The following PIEZO1 variants were observed in gnomAD, a reference collection of about 807,000 sequenced individuals.
PIEZO1 encodes the protein piezo-type mechanosensitive ion channel component 1.
PIEZO1 carries 296 observed loss-of-function variants against 297.2 expected under a neutral mutation model. The ratio of observed to expected loss-of-function variants is 1.00; its 90% CI spans 0.91 to 1.10. The LOEUF (loss-of-function observed/expected upper bound fraction) is 1.10. Ranked by LOEUF, PIEZO1 falls within the 50% of genes least tolerant of loss-of-function variation. The pLI is 0.00. For missense variants in PIEZO1, 5,018 were observed against 3,455.5 expected (o/e 1.45, Z -11.34); for synonymous variants, 2,427 against 1,507.5 (o/e 1.61, Z -14.13).
intron 1 of PIEZO1, among the ~76,000 whole-genome samples, chr16:88,780,881 C>T (rs770566303): frequency 2.0e-5 from 3 of 152,208 alleles, no homozygotes; most frequent in Non-Finnish European, 4.4e-5. Flanking sequence ...GGCTTGAGCC[C>T]TGGAGGCTGA....
intron 22 of PIEZO1, among the ~76,000 whole-genome samples, chr16:88,730,372 T>C (rs998797521): frequency 1.3e-5 from 1 of 76,152 alleles, no homozygotes; most frequent in Non-Finnish European, 2.8e-5. Flanking sequence ...GGGAGGCGGG[T>C]GGATCACCTG....
chr16:88,725,859 C>T (rs1412997295), intron 27 of PIEZO1, 175 bp from the exon 28 acceptor site: 9 of 605,724 alleles, frequency 1.5e-5, no homozygotes, highest in Middle Eastern at 4.4e-4. Flanking sequence ...CTGTCTGCGG[C>T]GAGGACAGGC....
chr16:88,725,434 C>G lies in PIEZO1; in HGVS notation c.4144G>C (p.Asp1382His). ...CACTCACCTGGCTCCAGGCCGGGGT[C>G]CTTGGGGCCCAGGGTGTCCTGGGGG... ...SRPQDTLGPK[D>H]PGLEPGPDSP... is the part of the protein sequence containing the mutation. Residue 1382 changes from aspartate (D) to histidine (H), a missense_variant, in exon 29 of 51, where the codon GAC becomes CAC. Asp to His is a moderately conservative substitution (Grantham distance 81). Coordinates refer to ENST00000301015, the MANE Select transcript of PIEZO1 (RefSeq NM_001142864.4). 4 of 1,466,270 alleles carry G rather than the reference C, an allele frequency of 2.7e-6. No individual in the cohort carries two copies. Among genetic ancestry groups the G allele is most frequent in the Non-Finnish European group, 3.6e-6 (4 of 1,107,932 alleles). The allele number at this position is 1,466,270 out of a possible 1,614,324, so 90.8% of individuals were successfully genotyped here.
rs1351646342 is a variant in PIEZO1, at chr16:88,734,000, CTGA to C, written c.2232_2234del (p.His744del). The C allele has an allele frequency of 2.6e-6, 4 of 1,546,114 alleles. No homozygotes were observed. Among genetic ancestry groups the C allele is most frequent in the Non-Finnish European group, 3.5e-6 (4 of 1,143,882 alleles). On this transcript the variant is annotated inframe_deletion, in exon 17 of 51. Coordinates refer to ENST00000301015, the MANE Select transcript of PIEZO1 (RefSeq NM_001142864.4). The stretch of plus-strand genomic sequence containing the variant: ...CCTCCTCCTCCTCCTGCTGCTGCTG[CTGA>C]TGCTCCTGCTGCTCCTCCCGCAGCA...
intron 1 of PIEZO1, among the ~76,000 whole-genome samples, chr16:88,754,262 A>G (rs1050477845): frequency 2.0e-5 from 3 of 152,090 alleles, no homozygotes; most frequent in Admixed American, 6.6e-5. Context: ...TGGGTGTCCA[A>G]GGGCTGGGCT....
intron 1 of PIEZO1, among the ~76,000 whole-genome samples, chr16:88,755,511 G>C (rs891249152): frequency 8.5e-5 from 13 of 152,234 alleles, no homozygotes; most frequent in African/African-American, 2.7e-4. Context: ...ACGAGCCCCA[G>C]ATCGGGCGTT....
chr16:88,725,550 C>T (rs1423480149), intron 28 of PIEZO1, 31 bp from the exon 29 acceptor site: 2 of 1,535,646 alleles, frequency 1.3e-6, no homozygotes, highest in Non-Finnish European at 1.8e-6. Context: ...GTATGCTGAG[C>T]ATTGGGGGGA....
intron 1 of PIEZO1, among the ~76,000 whole-genome samples, chr16:88,766,740 A>AG (rs748253680): frequency 6.6e-6 from 1 of 152,234 alleles, no homozygotes; most frequent in Non-Finnish European, 1.5e-5. Context: ...CATAACCACT[A>AG]GGTGGGCAGG....
Position 88,725,001 on chromosome 16 carries a change from G to A in PIEZO1, c.4234+8C>T, listed in dbSNP as rs771851223. 1.4e-6 allele frequency: 2 copies of A among 1,464,028 alleles called. No individual in the cohort carries two copies. Among genetic ancestry groups the A allele is most frequent in the Admixed American group, 2.8e-5 (1 of 35,698 alleles). 90.7% of individuals were successfully genotyped at this position (1,464,028 alleles called of 1,614,324 possible). A position where few individuals can be genotyped will look rare whatever the true frequency, so the allele number is the denominator to read the frequency against. ...GAGGGTGGCCACAGGCGGCCTAATTGGGGGTACCTGTGGCGTGGTCCAGCC... is the reference window on the plus strand; with the variant it reads ...GAGGGTGGCCACAGGCGGCCTAATTAGGGGTACCTGTGGCGTGGTCCAGCC... On this transcript the variant is annotated splice_region_variant and intron_variant, in intron 30 of 50. Transcript: ENST00000301015.
chr16:88,736,166 A>G lies in PIEZO1; in HGVS notation c.1539T>C (p.Cys513=). The G allele has an allele frequency of 6.5e-7, 1 of 1,547,534 alleles. No individual in the cohort carries two copies. The highest frequency in any genetic ancestry group is 8.7e-7 in the Non-Finnish European group (1 of 1,145,694). Residue 513 remains cysteine, a synonymous_variant, in exon 12 of 51, where the codon TGT becomes TGC. Coordinates refer to ENST00000301015, the MANE Select transcript of PIEZO1 (RefSeq NM_001142864.4). ...CACTCACCATGGCACCAAGGTCCAG[A>G]CAGGGGTAGCGGGTGTGCTCCAGCC... ...QLGLEHTRYP[C]LDLGAMLLYT...
intron 1 of PIEZO1, among the ~76,000 whole-genome samples, chr16:88,756,575 CTG>C (rs899964749): frequency 6.6e-6 from 1 of 151,776 alleles, no homozygotes; most frequent in African/African-American, 2.4e-5. Context: ...CGAAACCAGC[CTG>C]GCCAACATGG....
chr16:88,763,856 T>G (rs943720991), intron 1 of PIEZO1, among the ~76,000 whole-genome samples: 1 of 152,206 alleles, frequency 6.6e-6, no homozygotes, highest in African/African-American at 2.4e-5. Flanking sequence ...ATGAAGGCTT[T>G]GGAAGCTAGG....
In PIEZO1 at chr16:88,727,620, C is replaced by T. The variant is rs771953727; in HGVS notation, c.3238G>A (p.Ala1080Thr). Residue 1080 changes from alanine to threonine, a missense_variant, in exon 23 of 51, where the codon GCA becomes ACA. Ala to Thr is a moderately conservative substitution (Grantham distance 58). Transcript: ENST00000301015. Reference protein sequence around the residue: ...RWSRAVPMNSALIKWLYLPDF... With the variant: ...RWSRAVPMNSTLIKWLYLPDF... ...GGCAGGTACAGCCACTTGATGAGTG[C>T]GGAGTTCATGGGGACGGCCCGGCTC... is the stretch of plus-strand genomic sequence containing the variant. The T allele has an allele frequency of 1.4e-5, 21 of 1,524,204 alleles. No individual in the cohort carries two copies. Among genetic ancestry groups the T allele is most frequent in the South Asian group, 4.9e-5 (4 of 81,608 alleles). 94.4% of individuals were successfully genotyped at this position (1,524,204 alleles called of 1,614,324 possible).
chr16:88,716,601 C>A lies in PIEZO1; in HGVS notation c.6884G>T (p.Gly2295Val). The stretch of plus-strand genomic sequence containing the variant: ...GAAGCGCAGGGTGATGTCGGCCGTG[C>A]CGTTGTAGAGCTCCCGCTTCATCTG... ...RAQMKRELYN[G>V]TADITLRFTW... Residue 2295 changes from glycine (G) to valine (V), a missense_variant, in exon 47 of 51, where the codon GGC becomes GTC. By Grantham distance (109) the Gly-to-Val change is moderately radical (BLOSUM62 -3). Coordinates refer to ENST00000301015, the MANE Select transcript of PIEZO1 (RefSeq NM_001142864.4). 6.5e-7 allele frequency: 1 copy of A among 1,548,838 alleles called. No homozygotes were observed. The highest frequency in any genetic ancestry group is 8.7e-7 in the Non-Finnish European group (1 of 1,146,068).
rs372171772 is a variant in PIEZO1, at chr16:88,726,316, G to T, written c.3936C>A (p.Ala1312=). The change falls in exon 27 of 51, where the codon GCC becomes GCA. Residue 1312 remains alanine, a synonymous_variant. Coordinates refer to ENST00000301015, the MANE Select transcript of PIEZO1 (RefSeq NM_001142864.4). ...FLSHYYLHVR[A]DLQATALLAS... is the part of the protein sequence containing the mutation. ...CTAGCAGGGCGGTGGCCTGGAGGTC[G>T]GCCCTGACGTGCAGGTAGTAATGGC... is the stretch of plus-strand genomic sequence containing the variant. 9 of 1,549,982 alleles carry T rather than the reference G, an allele frequency of 5.8e-6. No individual in the cohort carries two copies. The highest frequency in any genetic ancestry group is 1.4e-5 in the African/African-American group (1 of 73,050).
chr16:88,734,564 G>C (rs564476931), intron 15 of PIEZO1, 26 bp from the exon 16 acceptor site: 6 of 1,544,034 alleles, frequency 3.9e-6, no homozygotes, highest in African/African-American at 1.4e-5. Flanking sequence ...ATCAGCACCG[G>C]CCCGGCCCCC....
chr16:88,717,546 G>T, intron 44 of PIEZO1: 1 of 507,312 alleles, frequency 2.0e-6, no homozygotes, highest in Non-Finnish European at 3.8e-6. Flanking sequence ...CCTCAAAGTG[G>T]ATCAAAGAGC....
chr16:88,749,254 A>AAT, intron 2 of PIEZO1, 130 bp downstream of exon 2: 1 of 578,110 alleles, frequency 1.7e-6, no homozygotes, highest in Non-Finnish European at 2.9e-6. Context: ...AAAAAAAAAA[A>AAT]TTTTATTTCG....
chr16:88,737,022 A>C, intron 10 of PIEZO1: 1 of 338,836 alleles, frequency 3.0e-6, no homozygotes, highest in Non-Finnish European at 5.4e-6. Flanking sequence ...GAAGACTCTC[A>C]GGACCCCCAC....
Sources: gnomAD v4.1 joint callset for allele counts (sites outside exome capture counted in the v4.1 genomes callset) on GRCh38, gnomAD v4.1.1 for gene constraint, MANE v1.5 for transcripts, NCBI Gene and HGNC (gene_info 2026-07-23, HGNC 2026-07-21) for gene names.